The following KRT6B variants were observed in gnomAD, a reference collection of about 807,000 sequenced individuals.
KRT6B encodes the protein keratin 6B.
In KRT6B, 29 loss-of-function variants were observed where a neutral mutation model predicts 44.7. That is an observed-to-expected ratio of 0.65 (90% CI 0.48 to 0.88). KRT6B has a LOEUF of 0.88. KRT6B is among the 40% of genes least tolerant of loss of function. The pLI, the probability that KRT6B is intolerant of heterozygous loss-of-function variation, is 0.00. For synonymous variants in KRT6B, 213 were observed against 296.0 expected, an observed-to-expected ratio of 0.72 and a Z score of 2.88; for missense variants, 600 against 724.0, an observed-to-expected ratio of 0.83 and a Z score of 1.97.
chr12:52,450,861 T>C (rs1444519101), intron 1 of KRT6B, among the ~76,000 whole-genome samples: 1 of 152,278 alleles, frequency 6.6e-6, no homozygotes, highest in East Asian at 1.9e-4. Context: ...TGATCATCAG[T>C]GAGTTTCAAC....
At chr12:52,451,485 T>C in intron 1 of KRT6B, 54 bp downstream of exon 1, 1 of 1,613,228 alleles carries the variant, frequency 6.2e-7, no homozygotes, top group Non-Finnish European at 8.5e-7. Flanking sequence ...AAGGTGTTGC[T>C]CTTCTGGTCT....
Position 52,447,284 on chromosome 12 carries a change from G to T in KRT6B, c.1601C>A (p.Ala534Asp). The T allele has an allele frequency of 2.5e-6, 4 of 1,614,004 alleles. No homozygotes were observed. Among genetic ancestry groups the T allele is most frequent in the Non-Finnish European group, 3.4e-6 (4 of 1,179,868 alleles). The change falls in exon 9 of 9, where the codon GCC becomes GAC. Residue 534 changes from alanine to aspartate, a missense_variant. Coordinates refer to ENST00000252252, the MANE Select transcript of KRT6B (RefSeq NM_005555.4). The part of the protein sequence containing the change: ...GGGFSSSSGR[A>D]TGGGLSSVGG... Reference sequence around the variant, plus strand: ...AACAGAGCTGAGGCCACCCCCAGTGGCTCTGCCGCTGCTGGAACTAAAGCC... The same window carrying T: ...AACAGAGCTGAGGCCACCCCCAGTGTCTCTGCCGCTGCTGGAACTAAAGCC...
rs546061164 is a variant in KRT6B, at chr12:52,447,373, G to A, written c.1512C>T (p.Gly504=). 78 of 1,614,012 alleles carry A rather than the reference G, an allele frequency of 4.8e-5. No individual in the cohort carries two copies. The South Asian group carries it at 7.6e-4, about 16-fold the overall frequency. ...SSGYGGASGV[G]SGLGLGGGSS... is the part of the protein sequence containing the mutation. ...TTCCTCCACCCAGGCCTAAGCCACT[G>A]CCGACACCGCTGGCACCGCCATAGC... Residue 504 remains glycine, a synonymous_variant, in exon 9 of 9, where the codon GGC becomes GGT. Coordinates refer to ENST00000252252, the MANE Select transcript of KRT6B (RefSeq NM_005555.4).
intron 5 of KRT6B, among the ~76,000 whole-genome samples, chr12:52,449,219 C>T (rs1940358831): frequency 6.6e-6 from 1 of 152,188 alleles, no homozygotes; most frequent in Non-Finnish European, 1.5e-5. Context: ...TAAAAGTCAG[C>T]AACCAAGGTG....
chr12:52,446,851 G>A lies in KRT6B; in HGVS notation c.*339C>T. On this transcript the variant is annotated 3_prime_UTR_variant, in exon 9 of 9. Transcript: ENST00000252252. ...GGGCAGGATGGTTAGCAATTAAAGA[G>A]AGGACTCCTCATCTGCAGCTGGACC... 1 of 379,734 alleles carries A rather than the reference G, an allele frequency of 2.6e-6. No individual in the cohort carries two copies. The highest frequency in any genetic ancestry group is 2.0e-5 in the African/African-American group (1 of 49,186). 23.5% of individuals were successfully genotyped at this position (379,734 alleles called of 1,614,324 possible). A position where few individuals can be genotyped will look rare whatever the true frequency, so the allele number is the denominator to read the frequency against.
intron 2 of KRT6B, 48 bp from the exon 3 acceptor site, chr12:52,450,120 A>G: frequency 6.2e-7 from 1 of 1,613,898 alleles, no homozygotes; most frequent in Non-Finnish European, 8.5e-7. Context: ...GGGTAGGATG[A>G]AACAGAAAAG....
chr12:52,448,794 C>A, intron 6 of KRT6B, 48 bp downstream of exon 6: 1 of 1,613,914 alleles, frequency 6.2e-7, no homozygotes, highest in Non-Finnish European at 8.5e-7. Flanking sequence ...TGCCTCATGA[C>A]CTAATAAAAA....
intron 4 of KRT6B, 32 bp from the exon 5 acceptor site, chr12:52,449,665 A>C (rs1172068658): frequency 6.2e-7 from 1 of 1,614,022 alleles, no homozygotes; most frequent in Non-Finnish European, 8.5e-7. Flanking sequence ...GATCAACTTC[A>C]CTTCTGACAT....
At position 52,451,635 on chromosome 12, in the gene KRT6B, G is replaced by C; in HGVS notation, c.444C>G (p.Leu148=). 6.2e-7 allele frequency: 1 copy of C among 1,613,118 alleles called. No individual in the cohort carries two copies. The highest frequency in any genetic ancestry group is 1.1e-5 in the South Asian group (1 of 91,050). ...VTVNQSLLTP[L]NLQIDPAIQR... ...GGATGGCGGGGTCAATTTGCAGGTT[G>C]AGGGGAGTCAGGAGACTCTGGTTGA... Residue 148 remains leucine, a synonymous_variant, in exon 1 of 9, where the codon CTC becomes CTG. Coordinates refer to ENST00000252252, the MANE Select transcript of KRT6B (RefSeq NM_005555.4).
Position 52,447,913 on chromosome 12 carries a change from A to G in KRT6B, c.1289T>C (p.Leu430Pro), listed in dbSNP as rs1469240277. Residue 430 changes from leucine to proline, a missense_variant, in exon 7 of 9, where the codon CTG (leucine) becomes CCG (proline). Physicochemically the swap from Leu to Pro is moderately conservative, Grantham distance 98 (BLOSUM62 -3). Transcript: ENST00000252252. Reference sequence around the variant, plus strand: ...CTTGGCCTTCTGCAGGGCATCCTCCAGCCCTTCCAGCTTGTTCTTAGCATC... The same window carrying G: ...CTTGGCCTTCTGCAGGGCATCCTCCGGCCCTTCCAGCTTGTTCTTAGCATC... ...LKDAKNKLEG[L>P]EDALQKAKQD... The G allele has an allele frequency of 6.2e-7, 1 of 1,614,038 alleles. No individual in the cohort carries two copies. The highest frequency in any genetic ancestry group is 1.3e-5 in the African/African-American group (1 of 74,916).
chr12:52,450,729 A>G, intron 1 of KRT6B, 109 bp from the exon 2 acceptor site: 5 of 1,517,028 alleles, frequency 3.3e-6, no homozygotes, highest in Non-Finnish European at 4.5e-6. Context: ...GGGCTACTAC[A>G]GTGCATGTAG....
chr12:52,447,152 G>A lies in KRT6B; in HGVS notation c.*38C>T. 1.9e-6 allele frequency: 3 copies of A among 1,612,208 alleles called. No individual in the cohort carries two copies. The highest frequency in any genetic ancestry group is 1.7e-6 in the Non-Finnish European group (2 of 1,179,144). On this transcript the variant is annotated 3_prime_UTR_variant, in exon 9 of 9. Transcript: ENST00000252252. ...GAGAGGGCTCTGCTGCCAGAGAGGG[G>A]CCTGAGAGCTGTGGGACTGAGAGCT...
intron 5 of KRT6B, 66 bp downstream of exon 5, chr12:52,449,403 C>T (rs186441150): frequency 6.2e-7 from 1 of 1,611,712 alleles, no homozygotes; most frequent in African/African-American, 1.3e-5. Flanking sequence ...CCAGTGAAGT[C>T]TGCAGTCCTC....
chr12:52,448,820 C>T (rs1418527322), intron 6 of KRT6B, 22 bp downstream of exon 6: 9 of 1,614,042 alleles, frequency 5.6e-6, no homozygotes, highest in Non-Finnish European at 7.6e-6. Context: ...ATGCTTTTCT[C>T]CTCCATTGCC....
intron 4 of KRT6B, 24 bp from the exon 5 acceptor site, chr12:52,449,657 T>C: frequency 6.2e-7 from 1 of 1,614,174 alleles, no homozygotes; most frequent in Non-Finnish European, 8.5e-7. Flanking sequence ...GGTCATAAGA[T>C]CAACTTCACT....
At chr12:52,449,110 G>T (rs1236841442) in intron 5 of KRT6B, 143 bp from the exon 6 acceptor site, 1 of 1,453,040 alleles carries the variant, frequency 6.9e-7, no homozygotes. Flanking sequence ...ATGTTATGTG[G>T]TGGGTGGATA....
chr12:52,449,674 A>G (rs900922220), intron 4 of KRT6B, 41 bp from the exon 5 acceptor site: 2 of 1,614,206 alleles, frequency 1.2e-6, no homozygotes, highest in Non-Finnish European at 1.7e-6. Context: ...CACTTCTGAC[A>G]TTTACAGAGA....
At position 52,452,059 on chromosome 12, in the gene KRT6B, G is replaced by T. The variant is rs759200378; in HGVS notation, c.20C>A (p.Thr7Asn). MASTST[T>N]IRSHSSSRRG... is the part of the protein sequence containing the mutation. ...GCGGCTGCTGCTGTGGCTCCTGATG[G>T]TGGTGGATGTGCTGGCCATGGTTCC... Residue 7 changes from threonine (T) to asparagine (N), a missense_variant, in exon 1 of 9, where the codon ACC becomes AAC. Around this residue, in one of 4 missense-constraint regions of KRT6B, gnomAD observed 78 missense variants for 97.5 expected, o/e 0.80. Transcript: ENST00000252252. 7 of 1,614,048 alleles carry T rather than the reference G, an allele frequency of 4.3e-6. No individual in the cohort carries two copies. The highest frequency in any genetic ancestry group is 5.1e-6 in the Non-Finnish European group (6 of 1,180,030).
At chr12:52,448,765 C>T (rs977757444) in intron 6 of KRT6B, 77 bp downstream of exon 6, 24 of 1,611,554 alleles carry the variant, frequency 1.5e-5, no homozygotes, top group Non-Finnish European at 1.0e-5. Flanking sequence ...AAGAATTTTA[C>T]TAAATGATGG....
Sources: gnomAD v4.1 joint callset for allele counts (sites outside exome capture counted in the v4.1 genomes callset) on GRCh38, gnomAD v4.1.1 for gene constraint, gnomAD v4.1.1 regional missense constraint, MANE v1.5 for transcripts, NCBI Gene and HGNC (gene_info 2026-07-23, HGNC 2026-07-21) for gene names.